ADSS1: variants seen among roughly 807,000 people sequenced by gnomAD.
ADSS1 encodes the protein adenylosuccinate synthase 1, also known as adenylosuccinate synthetase isozyme 1.
In ADSS1, 57 loss-of-function variants were observed where a neutral mutation model predicts 59.1. The observed-to-expected ratio is 0.97, with a 90% CI of 0.78 to 1.20. The LOEUF is 1.20. ADSS1 is among the 50% of genes most tolerant of loss of function. ADSS1 has a pLI of 0.00. For missense variants in ADSS1, 603 were observed against 610.3 expected (o/e 0.99, Z 0.13); for synonymous variants, 247 against 249.4 (o/e 0.99, Z 0.09).
Position 104,745,749 on chromosome 14 carries a change from C to T in ADSS1, c.1172-487C>T, listed in dbSNP as rs183826250. ...TGCCTGGCTCCAAGGCTCAAACACA[C>T]TTGCAGCGAGAACCCGTATTCCAGC... On this transcript the variant is annotated intron_variant, in intron 11 of 12. Coordinates refer to ENST00000330877, the MANE Select transcript of ADSS1 (RefSeq NM_152328.5). 5.4e-3 allele frequency: 835 copies of T among 153,854 alleles called. 6 individuals are homozygous for T. The highest frequency in any genetic ancestry group is 0.024 in the South Asian group (116 of 4,918). The allele number at this position is 153,854 out of a possible 1,614,324, so 9.5% of individuals were successfully genotyped here.
chr14:104,739,888 T>C (rs1220357614), intron 5 of ADSS1, 72 bp downstream of exon 5: 2 of 1,540,006 alleles, frequency 1.3e-6, no homozygotes, highest in African/African-American at 2.7e-5. Flanking sequence ...GTGGGGCGTG[T>C]CTGGTCCTGG....
chr14:104,730,449 C>T (rs143954072), intron 1 of ADSS1, among the ~76,000 whole-genome samples: 1,574 of 152,182 alleles, frequency 0.01, 21 homozygotes, highest in African/African-American at 0.036. Flanking sequence ...AGGATCACAC[C>T]ATTGCACTCC....
intron 1 of ADSS1, among the ~76,000 whole-genome samples, chr14:104,725,931 G>A (rs1427491491): frequency 3.9e-5 from 6 of 152,234 alleles, no homozygotes; most frequent in African/African-American, 7.2e-5. Flanking sequence ...ACCTGGCTCC[G>A]CGCTCCCAGC....
At chr14:104,733,930 G>A (rs753979547) in intron 1 of ADSS1, among the ~76,000 whole-genome samples, 1 of 152,210 alleles carries the variant, frequency 6.6e-6, no homozygotes, top group Non-Finnish European at 1.5e-5. Context: ...AGTGGGGCTG[G>A]AGACCTGGCC....
chr14:104,728,858 G>C (rs1015828003), intron 1 of ADSS1, among the ~76,000 whole-genome samples: 3 of 152,212 alleles, frequency 2.0e-5, no homozygotes, highest in African/African-American at 7.2e-5. Context: ...GGTGCAAACA[G>C]CCACTCCACT....
chr14:104,742,937 G>C, intron 9 of ADSS1, 130 bp from the exon 10 acceptor site: 1 of 1,352,978 alleles, frequency 7.4e-7, no homozygotes, highest in Admixed American at 1.8e-5. Context: ...TGGATGTAAG[G>C]ACTGTCGGTG....
chr14:104,742,631 A>G (rs982994400), intron 9 of ADSS1, among the ~76,000 whole-genome samples: 1 of 152,204 alleles, frequency 6.6e-6, no homozygotes, highest in African/African-American at 2.4e-5. Flanking sequence ...CAACACGGGG[A>G]GGGGCGGACG....
chr14:104,746,414 C>T, intron 12 of ADSS1, 29 bp downstream of exon 12: 1 of 1,594,158 alleles, frequency 6.3e-7, no homozygotes. Context: ...CAGCCACCCT[C>T]CCTGCACCCT....
chr14:104,747,163 A>C lies in ADSS1; in HGVS notation c.*160A>C, dbSNP rs1230826690. On this transcript the variant is annotated 3_prime_UTR_variant, in exon 13 of 13. Coordinates refer to ENST00000330877, the MANE Select transcript of ADSS1 (RefSeq NM_152328.5). ...ACCTGTTGGTTTCTACAATGATTTT[A>C]AACATTGGAAAGCCAGCCTTGTGTA... 1.6e-6 allele frequency: 1 copy of C among 612,362 alleles called. No individual in the cohort carries two copies. The highest frequency in any genetic ancestry group is 2.7e-6 in the Non-Finnish European group (1 of 375,972). 37.9% of individuals were successfully genotyped at this position (612,362 alleles called of 1,614,324 possible).
intron 1 of ADSS1, among the ~76,000 whole-genome samples, chr14:104,732,047 G>A (rs1890950811): frequency 6.6e-6 from 1 of 152,206 alleles, no homozygotes; most frequent in African/African-American, 2.4e-5. Flanking sequence ...GAGGCCTGGC[G>A]TCCACCTGCA....
Position 104,740,259 on chromosome 14 carries a change from A to G in ADSS1, c.477-342A>G, listed in dbSNP as rs938626921. Among the ~76,000 whole-genome samples, 1 of 151,938 alleles carries G rather than the reference A, an allele frequency of 6.6e-6. No homozygotes were observed. The highest frequency in any genetic ancestry group is 1.9e-4 in the East Asian group (1 of 5,174). ...CACTCACACTCTCACACAGGCACACACTCATGCTCTTACATACACACCACA... is the reference window on the plus strand; with the variant it reads ...CACTCACACTCTCACACAGGCACACGCTCATGCTCTTACATACACACCACA... On this transcript the variant is annotated intron_variant, in intron 5 of 12. Transcript: ENST00000330877. This position sits in a 1 kb window ranked among gnomAD's most constrained non-coding sequence, Gnocchi z 4.8.
intron 1 of ADSS1, among the ~76,000 whole-genome samples, chr14:104,733,942 T>C (rs1370693515): frequency 6.6e-6 from 1 of 152,174 alleles, no homozygotes; most frequent in East Asian, 1.9e-4. Flanking sequence ...GACCTGGCCT[T>C]CTCTCCTGGG....
intron 1 of ADSS1, among the ~76,000 whole-genome samples, chr14:104,730,571 T>TA (rs1275259324): frequency 2.0e-5 from 3 of 152,088 alleles, no homozygotes; most frequent in Non-Finnish European, 4.4e-5. Flanking sequence ...AGATAGATGA[T>TA]ATGGAGAGAG....
At chr14:104,725,538 C>T (rs1458798474) in intron 1 of ADSS1, among the ~76,000 whole-genome samples, 1 of 152,080 alleles carries the variant, frequency 6.6e-6, no homozygotes, top group Non-Finnish European at 1.5e-5. Flanking sequence ...CCCCTCCTGC[C>T]GGAAGGGACT....
At position 104,747,077 on chromosome 14, in the gene ADSS1, G is replaced by A. The variant is rs1158565313; in HGVS notation, c.*74G>A. On this transcript the variant is annotated 3_prime_UTR_variant, in exon 13 of 13. Coordinates refer to ENST00000330877, the MANE Select transcript of ADSS1 (RefSeq NM_152328.5). ...GTAAACAGCAGCAGTCACGTTCCTC[G>A]GCCGCCACAACCAACACCAAAGCAG... The A allele has an allele frequency of 5.8e-6, 8 of 1,376,646 alleles. No individual in the cohort carries two copies. Among genetic ancestry groups the A allele is most frequent in the South Asian group, 4.4e-5 (3 of 68,746 alleles). The allele number at this position is 1,376,646 out of a possible 1,614,324, so 85.3% of individuals were successfully genotyped here.
At chr14:104,734,074 T>G (rs1231420223) in intron 1 of ADSS1, among the ~76,000 whole-genome samples, 1 of 152,200 alleles carries the variant, frequency 6.6e-6, no homozygotes, top group Non-Finnish European at 1.5e-5. Flanking sequence ...GGGGCCTGGC[T>G]TCAGGGGCAA....
At position 104,740,311 on chromosome 14, in the gene ADSS1, C is replaced by G. The variant is rs1467953895; in HGVS notation, c.477-290C>G. Among the ~76,000 whole-genome samples, 2 of 152,104 alleles carry G rather than the reference C, an allele frequency of 1.3e-5. No individual in the cohort carries two copies. The highest frequency in any genetic ancestry group is 4.8e-5 in the African/African-American group (2 of 41,400). On this transcript the variant is annotated intron_variant, in intron 5 of 12. Coordinates refer to ENST00000330877, the MANE Select transcript of ADSS1 (RefSeq NM_152328.5). This position sits in a 1 kb window ranked among gnomAD's most constrained non-coding sequence, Gnocchi z 4.8. ...GCCCACGCATGCTCGCACAGTTATG[C>G]ACATGTGCACACGCCACACAAGCCC...
At chr14:104,746,878 C>A (rs754638320) in intron 12 of ADSS1, 73 bp from the exon 13 acceptor site, 4 of 1,480,736 alleles carry the variant, frequency 2.7e-6, no homozygotes, top group Non-Finnish European at 3.8e-6. Context: ...CAGAAAGATA[C>A]GACACTAAAG....
chr14:104,743,873 G>A (rs1891463122), intron 10 of ADSS1, among the ~76,000 whole-genome samples: 1 of 152,282 alleles, frequency 6.6e-6, no homozygotes, highest in South Asian at 2.1e-4. Context: ...TGTGCGCGAT[G>A]CAGGGTTCAC....
Sources: allele counts gnomAD v4.1 joint callset (sites outside exome capture counted in the v4.1 genomes callset), GRCh38; gene constraint gnomAD v4.1.1; non-coding constraint Gnocchi (gnomAD v3.1); transcripts MANE v1.5; gene names NCBI Gene and HGNC (gene_info 2026-07-23, HGNC 2026-07-21).